The following TAF12 variants were observed in gnomAD, a reference collection of about 807,000 sequenced individuals.
The protein encoded by TAF12 is transcription initiation factor TFIID subunit 12.
A neutral mutation model predicts 20.8 loss-of-function variants in TAF12; 3 were observed. That is an observed-to-expected ratio of 0.14 (90% confidence interval 0.07 to 0.37). The LOEUF (loss-of-function observed/expected upper bound fraction) is 0.37. TAF12 is among the 10% of genes least tolerant of loss of function. TAF12 has a pLI of 1.00. For synonymous variants in TAF12, 69 were observed against 70.2 expected (o/e 0.98, Z 0.09); for missense variants, 131 against 197.9 (o/e 0.66, Z 2.03).
chr1:28,622,046 G>A lies in TAF12; in HGVS notation c.36C>T (p.Leu12=), dbSNP rs1168239134. The change falls in exon 2 of 6, where the codon CTC becomes CTT. Residue 12 remains leucine, a synonymous_variant. Transcript: ENST00000373824. ...NQFGPSALIN[L]SNFSSIKPEP... ...CCGGTTTTATGGATGAGAAATTGGA[G>A]AGGTTGATTAGGGCTGAGGGGCCAA... 6.2e-7 allele frequency: 1 copy of A among 1,614,026 alleles called. No homozygotes were observed. The highest frequency in any genetic ancestry group is 1.1e-5 in the South Asian group (1 of 91,062).
At chr1:28,623,861 G>T in intron 1 of TAF12, 1 of 629,124 alleles carries the variant, frequency 1.6e-6, no homozygotes, top group Non-Finnish European at 2.0e-6. Context: ...TCATGAGGCT[G>T]ACTCTGTGGA....
chr1:28,605,435 T>A lies in TAF12; in HGVS notation c.387A>T (p.Pro129=). Residue 129 remains proline (P), a synonymous_variant, in exon 5 of 6, where the codon CCA becomes CCT. Transcript: ENST00000373824. ...GTCGGATTTCTTCAGAGCCAAATCC[T>A]GGGATCCACATGTTCCACTGGCGCT... is the stretch of plus-strand genomic sequence containing the variant. ...HLERQWNMWI[P]GFGSEEIRPY... 1 of 1,614,078 alleles carries A rather than the reference T, an allele frequency of 6.2e-7. No homozygotes were observed. The highest frequency in any genetic ancestry group is 8.5e-7 in the Non-Finnish European group (1 of 1,179,994).
chr1:28,605,427 C>A lies in TAF12; in HGVS notation c.395G>T (p.Gly132Val), dbSNP rs1332530992. 1.2e-6 allele frequency: 2 copies of A among 1,613,948 alleles called. No homozygotes were observed. The highest frequency in any genetic ancestry group is 3.3e-5 in the Admixed American group (2 of 59,972). ...TTTGTAGGGTCGGATTTCTTCAGAG[C>A]CAAATCCTGGGATCCACATGTTCCA... ...RQWNMWIPGF[G>V]SEEIRPYKKA... Residue 132 changes from glycine (G) to valine (V), a missense_variant, in exon 5 of 6, where the codon GGC (glycine) becomes GTC (valine). Physicochemically the swap from Gly to Val is moderately radical, Grantham distance 109. Transcript: ENST00000373824.
At chr1:28,647,852 C>A (rs535726687), upstream of TAF12, among the ~76,000 whole-genome samples, 5 of 144,562 alleles carry the variant, frequency 3.5e-5, no homozygotes, top group East Asian at 8.3e-4. Context: ...GCAGCCTGGG[C>A]GACAGAGCGA....
At chr1:28,634,821 C>T (rs543748113) in intron 1 of TAF12, among the ~76,000 whole-genome samples, 7 of 151,902 alleles carry the variant, frequency 4.6e-5, no homozygotes, top group South Asian at 2.1e-4. Context: ...CCCAGCTACT[C>T]GGGAAGCTGA....
At chr1:28,631,264 G>A (rs1361277231) in intron 1 of TAF12, among the ~76,000 whole-genome samples, 6 of 151,940 alleles carry the variant, frequency 3.9e-5, no homozygotes, top group Non-Finnish European at 7.4e-5. Flanking sequence ...GCTCACGCCT[G>A]TAATCCCAGC....
chr1:28,608,167 T>C (rs1391088194), intron 4 of TAF12, among the ~76,000 whole-genome samples: 17 of 44,252 alleles, frequency 3.8e-4, no homozygotes, highest in Non-Finnish European at 6.8e-4. Context: ...CGGTCTCTAC[T>C]AAAAATACAA....
intron 3 of TAF12, 26 bp from the exon 4 acceptor site, chr1:28,613,387 C>A (rs1475941119): frequency 6.3e-7 from 1 of 1,584,928 alleles, no homozygotes; most frequent in Non-Finnish European, 8.6e-7. Flanking sequence ...TGGGAAGAGT[C>A]AGCACGACAT....
intron 3 of TAF12, among the ~76,000 whole-genome samples, chr1:28,614,227 ACT>A (rs1570303998): frequency 6.6e-6 from 1 of 150,898 alleles, no homozygotes. Context: ...ACAGAGCGAG[ACT>A]CTGTCTCAAA....
upstream of TAF12, among the ~76,000 whole-genome samples, chr1:28,647,575 T>TA (rs983419408): frequency 1.1e-4 from 16 of 151,812 alleles, no homozygotes; most frequent in African/African-American, 2.2e-4. Flanking sequence ...TCATTATCCA[T>TA]AAAAAAAATG....
chr1:28,613,725 T>C (rs573554980), intron 3 of TAF12, among the ~76,000 whole-genome samples: 2 of 152,304 alleles, frequency 1.3e-5, no homozygotes, highest in Admixed American at 1.3e-4. Context: ...CTTACAATAA[T>C]CCTGTGAAGA....
upstream of TAF12, among the ~76,000 whole-genome samples, chr1:28,643,879 G>T (rs557588908): frequency 6.6e-6 from 1 of 152,034 alleles, no homozygotes; most frequent in East Asian, 1.9e-4. Context: ...GTGAAACCCC[G>T]TCTCTACTAA....
rs974590096 is a variant in TAF12, at chr1:28,630,187, C to G, written c.-84-8022G>C. ...TCTCAAACTCTTGGGCTCAAGCGAT[C>G]CTCCTGCCTCAGCCTCCCAAAGTGC... On this transcript the variant is annotated intron_variant, in intron 1 of 5. Coordinates refer to ENST00000373824, the MANE Select transcript of TAF12 (RefSeq NM_005644.4). Among the ~76,000 whole-genome samples, 17 of 152,170 alleles carry G rather than the reference C, an allele frequency of 1.1e-4. 1 individual carries two copies. The highest frequency in any genetic ancestry group is 7.2e-4 in the Admixed American group (11 of 15,260).
In TAF12 at chr1:28,625,983, T is replaced by C. The variant is rs1336868227; in HGVS notation, c.-84-3818A>G. ...GCTTGGGCCACCACACTCAGCCCCG[T>C]CTCTTTTTTTTTTTTGAGACGGAGT... On this transcript the variant is annotated intron_variant, in intron 1 of 5. Coordinates refer to ENST00000373824, the MANE Select transcript of TAF12 (RefSeq NM_005644.4). Among the ~76,000 whole-genome samples, 3 of 150,606 alleles carry C rather than the reference T, an allele frequency of 2.0e-5. No homozygotes were observed. The South Asian group carries it at 6.3e-4, about 32-fold the overall frequency.
chr1:28,606,219 G>C (rs1666660233), intron 4 of TAF12, among the ~76,000 whole-genome samples: 1 of 151,952 alleles, frequency 6.6e-6, no homozygotes, highest in Non-Finnish European at 1.5e-5. Context: ...GGCTGGTCTT[G>C]AACTCCTGAC....
At chr1:28,605,832 C>T (rs903195429) in intron 4 of TAF12, among the ~76,000 whole-genome samples, 8 of 152,198 alleles carry the variant, frequency 5.3e-5, no homozygotes, top group Admixed American at 3.9e-4. Flanking sequence ...CGGAATTTTG[C>T]TCCTGTTGCC....
rs78823656 is a variant in TAF12 at position 28,642,385 on chromosome 1, T to C, written c.-85+607A>G. Reference sequence around the variant, plus strand: ...GGCTGATCTCATATCCATGGTCCCTTAGATCCAAGGCTTTTAGGAGCTTGG... The same window carrying C: ...GGCTGATCTCATATCCATGGTCCCTCAGATCCAAGGCTTTTAGGAGCTTGG... On this transcript the variant is annotated intron_variant, in intron 1 of 5. Transcript: ENST00000373824. Among the ~76,000 whole-genome samples the C allele has an allele frequency of 5.3e-5, 8 of 152,300 alleles. No homozygotes were observed. The East Asian group carries it at 1.5e-3, about 29-fold the overall frequency.
chr1:28,638,475 C>A (rs936889073), intron 1 of TAF12, among the ~76,000 whole-genome samples: 3 of 147,834 alleles, frequency 2.0e-5, no homozygotes, highest in African/African-American at 7.5e-5. Context: ...AGGCATAAGC[C>A]ACCGCGCCCG....
intron 1 of TAF12, among the ~76,000 whole-genome samples, chr1:28,635,645 T>C (rs1667798837): frequency 3.3e-5 from 5 of 152,034 alleles, no homozygotes; most frequent in Admixed American, 3.3e-4. Flanking sequence ...TGGCTGAGGA[T>C]GACAAGCCCT....
Sources: allele counts gnomAD v4.1 joint callset (sites outside exome capture counted in the v4.1 genomes callset), GRCh38; gene constraint gnomAD v4.1.1; transcripts MANE v1.5; gene names NCBI Gene and HGNC (gene_info 2026-07-23, HGNC 2026-07-21).